The following DDX1 variants were observed in gnomAD, a reference collection of about 807,000 sequenced individuals.
DDX1 encodes ATP-dependent RNA helicase DDX1.
A neutral mutation model predicts 108.7 loss-of-function variants in DDX1; 28 were observed. The observed-to-expected ratio is 0.26, with a 90% confidence interval of 0.19 to 0.35. The LOEUF (loss-of-function observed/expected upper bound fraction) is 0.35. Among genes scored for constraint, DDX1 ranks in the 10% least tolerant of loss-of-function variants. DDX1 has a pLI of 1.00. For missense variants in DDX1, 710 were observed against 884.5 expected (o/e 0.80, Z 2.50); for synonymous variants, 295 against 288.9 (o/e 1.02, Z -0.21).
In DDX1 at chr2:15,612,048, G is replaced by C. The variant is rs1665776053; in HGVS notation, c.957-1176G>C. ...TCCCAGTAGGGGCGGCTGGGTAGAG[G>C]CTCCCCTCTCCTCCCGGAGGGGGCG... On this transcript the variant is annotated intron_variant, in intron 13 of 25. Transcript: ENST00000233084. Among the ~76,000 whole-genome samples the C allele has an allele frequency of 1.6e-5, 2 of 127,738 alleles. 1 individual carries two copies. Among genetic ancestry groups the C allele is most frequent in the South Asian group, 5.4e-4 (2 of 3,692 alleles). 83.8% of individuals were successfully genotyped at this position (127,738 alleles called of 152,430 possible).
intron 23 of DDX1, 95 bp downstream of exon 23, chr2:15,628,934 TC>T: frequency 8.4e-7 from 1 of 1,196,438 alleles, no homozygotes; most frequent in Non-Finnish European, 1.2e-6. Context: ...TAAATTTAAT[TC>T]AGCTGCGTAT....
In DDX1 at chr2:15,612,170, G is replaced by T. The variant is rs1311825774; in HGVS notation, c.957-1054G>T. On this transcript the variant is annotated intron_variant, in intron 13 of 25. Transcript: ENST00000233084. ...CCCCCACCTCCCTCCTGGACGGGGCGGCTGGCCTGGCGGTGGGTGACCCCC... is the reference window on the plus strand; with the variant it reads ...CCCCCACCTCCCTCCTGGACGGGGCTGCTGGCCTGGCGGTGGGTGACCCCC... Among the ~76,000 whole-genome samples, 331 of 151,180 alleles carry T rather than the reference G, an allele frequency of 2.2e-3. 2 individuals carry two copies. The highest frequency in any genetic ancestry group is 6.8e-3 in the Middle Eastern group (2 of 292).
chr2:15,600,779 C>T (rs535895732), intron 6 of DDX1, among the ~76,000 whole-genome samples: 5 of 121,552 alleles, frequency 4.1e-5, no homozygotes, highest in Non-Finnish European at 8.0e-5. Flanking sequence ...GACAGAGTCT[C>T]GCTCTGTTGC....
chr2:15,629,204 T>C (rs1281685445), intron 23 of DDX1, among the ~76,000 whole-genome samples: 1 of 152,214 alleles, frequency 6.6e-6, no homozygotes, highest in Non-Finnish European at 1.5e-5. Flanking sequence ...CATATACTCA[T>C]TGCCAAATTC....
At chr2:15,594,348 TTAAA>T (rs1276507937) in intron 1 of DDX1, among the ~76,000 whole-genome samples, 3 of 152,172 alleles carry the variant, frequency 2.0e-5, no homozygotes, top group African/African-American at 7.2e-5. Flanking sequence ...AAATACAGAC[TTAAA>T]ATAAAAATCA....
In DDX1 at chr2:15,603,906, A is replaced by G. The variant is rs1665625176; in HGVS notation, c.552+16A>G. On this transcript the variant is annotated intron_variant, in intron 9 of 25. Transcript: ENST00000233084. ...TTATGGAGAGGTAAGCGATTATGTT[A>G]TGACTTCAACATAGCATAAGTAAGT... 6.4e-7 allele frequency: 1 copy of G among 1,556,506 alleles called. No individual in the cohort carries two copies. Among genetic ancestry groups the G allele is most frequent in the Admixed American group, 1.7e-5 (1 of 58,898 alleles).
chr2:15,631,023 C>CGT lies in DDX1; in HGVS notation c.*117_*118insGT. Reference sequence around the variant, plus strand: ...TAGTAACGTAAGCTATTAATGCTAACTCTTGCATGTCAAGAAACATTAGTC... The same window carrying CGT: ...TAGTAACGTAAGCTATTAATGCTAACGTTCTTGCATGTCAAGAAACATTAGTC... On this transcript the variant is annotated 3_prime_UTR_variant, in exon 26 of 26. Transcript: ENST00000233084. The CGT allele has an allele frequency of 1.1e-6, 1 of 884,208 alleles. No individual in the cohort carries two copies. Among genetic ancestry groups the CGT allele is most frequent in the African/African-American group, 1.7e-5 (1 of 59,664 alleles). The allele number at this position is 884,208 out of a possible 1,614,324, so 54.8% of individuals were successfully genotyped here.
In DDX1 at chr2:15,620,362, G is replaced by A. The variant is rs753763793; in HGVS notation, c.1361G>A (p.Arg454Lys). The A allele has an allele frequency of 1.2e-6, 2 of 1,613,874 alleles. No homozygotes were observed. The highest frequency in any genetic ancestry group is 8.5e-7 in the Non-Finnish European group (1 of 1,179,950). The change falls in exon 17 of 26, where the codon AGA (arginine) becomes AAA (lysine). Residue 454 changes from arginine to lysine, a missense_variant. Physicochemically the swap from Arg to Lys is conservative, Grantham distance 26. Around this residue, in one of 3 missense-constraint regions of DDX1, gnomAD observed 661 missense variants for 810.2 expected, o/e 0.82. Coordinates refer to ENST00000233084, the MANE Select transcript of DDX1 (RefSeq NM_004939.3). ...VVVPVNPKTDRLWERLGKSHI... is the reference protein window; with the variant it reads ...VVVPVNPKTDKLWERLGKSHI... ...GTCCCAGTAAATCCCAAAACTGACAGACTCTGGGAAAGGCTTGGAAAGAGC... is the reference window on the plus strand; with the variant it reads ...GTCCCAGTAAATCCCAAAACTGACAAACTCTGGGAAAGGCTTGGAAAGAGC...
chr2:15,597,581 G>C, intron 5 of DDX1, 110 bp downstream of exon 5: 2 of 701,768 alleles, frequency 2.8e-6, no homozygotes, highest in South Asian at 1.9e-5. Flanking sequence ...TCAGTATCTG[G>C]GGGGTGGTAT....
At chr2:15,611,566 AC>A (rs1478022623) in intron 13 of DDX1, among the ~76,000 whole-genome samples, 1 of 118,182 alleles carries the variant, frequency 8.5e-6, no homozygotes, top group South Asian at 3.2e-4. Flanking sequence ...CGGGGGGCTG[AC>A]CCCCCGACCT....
At chr2:15,604,215 G>C (rs1032521538) in intron 9 of DDX1, among the ~76,000 whole-genome samples, 4 of 152,126 alleles carry the variant, frequency 2.6e-5, no homozygotes, top group Admixed American at 1.3e-4. Flanking sequence ...TCTAAATATA[G>C]TTCGTCTGGT....
At chr2:15,596,848 A>G in intron 4 of DDX1, 85 bp downstream of exon 4, 1 of 1,028,994 alleles carries the variant, frequency 9.7e-7, no homozygotes, top group Non-Finnish European at 1.5e-6. Flanking sequence ...TGAAATATTT[A>G]ATAAAATAGC....
intron 6 of DDX1, among the ~76,000 whole-genome samples, 190 bp downstream of exon 6, chr2:15,599,906 A>C (rs2148737830): frequency 6.6e-6 from 1 of 152,366 alleles, no homozygotes; most frequent in East Asian, 1.9e-4. Flanking sequence ...CTCAGCACAT[A>C]TGAGAAGTTA....
intron 16 of DDX1, among the ~76,000 whole-genome samples, chr2:15,619,339 T>G (rs915740995): frequency 6.6e-6 from 1 of 152,130 alleles, no homozygotes; most frequent in Non-Finnish European, 1.5e-5. Flanking sequence ...GGGGCCAGGG[T>G]CCAGAGTGGT....
In DDX1 at chr2:15,595,173, A is replaced by G; in HGVS notation, c.45A>G (p.Gln15=). 2 of 1,612,120 alleles carry G rather than the reference A, an allele frequency of 1.2e-6. No homozygotes were observed. Among genetic ancestry groups the G allele is most frequent in the Non-Finnish European group, 8.5e-7 (1 of 1,179,038 alleles). Residue 15 remains glutamine (Q), a synonymous_variant, in exon 2 of 26, where the codon CAA becomes CAG. Transcript: ENST00000233084. ...TGGGTGTAATGCCTGAGATTGCACA[A>G]GCTGTGGAAGAGATGGATTGGCTGT... ...SEMGVMPEIA[Q]AVEEMDWLLP...
At chr2:15,621,863 A>C (rs1442658046) in intron 18 of DDX1, among the ~76,000 whole-genome samples, 1 of 152,158 alleles carries the variant, frequency 6.6e-6, no homozygotes. Flanking sequence ...CATGTGGGCC[A>C]GGCTGGTCTT....
chr2:15,613,155 C>A, intron 13 of DDX1, 69 bp from the exon 14 acceptor site: 2 of 1,002,820 alleles, frequency 2.0e-6, no homozygotes, highest in African/African-American at 1.7e-5. Context: ...TAAATGGATG[C>A]AGATCAAACA....
Position 15,627,109 on chromosome 2 carries a change from G to C in DDX1, c.1650G>C (p.Lys550Asn), listed in dbSNP as rs1334083526. 6.2e-7 allele frequency: 1 copy of C among 1,611,738 alleles called. No homozygotes were observed. The highest frequency in any genetic ancestry group is 1.3e-5 in the African/African-American group (1 of 74,950). The change falls in exon 20 of 26, where the codon AAG becomes AAC. Residue 550 changes from lysine (K) to asparagine (N), a missense_variant. Around this residue, in one of 3 missense-constraint regions of DDX1, gnomAD observed 661 missense variants for 810.2 expected, o/e 0.82. Transcript: ENST00000233084. ...FSCVCLHGDR[K>N]PHERKQNLER... ...GTGTTTGTCTTCATGGTGACAGAAA[G>C]CCTCATGAGAGAAAGCAAAACTTGG...
At chr2:15,607,906 C>T (rs908747207) in intron 13 of DDX1, among the ~76,000 whole-genome samples, 3 of 152,102 alleles carry the variant, frequency 2.0e-5, no homozygotes, top group Non-Finnish European at 4.4e-5. Context: ...TTATTTCTTC[C>T]CTAAATCTCT....
Sources: allele counts gnomAD v4.1 joint callset (sites outside exome capture counted in the v4.1 genomes callset), GRCh38; gene constraint gnomAD v4.1.1; regional missense constraint gnomAD v4.1.1; transcripts MANE v1.5; gene names NCBI Gene and HGNC (gene_info 2026-07-23, HGNC 2026-07-21).